The following MDH2 variants were observed in gnomAD, a reference collection of about 807,000 sequenced individuals.
MDH2 encodes the protein malate dehydrogenase, mitochondrial.
In MDH2, 25 loss-of-function variants were observed where a neutral mutation model predicts 33.6. That is an observed-to-expected ratio of 0.74 (90% confidence interval 0.54 to 1.04). The LOEUF (loss-of-function observed/expected upper bound fraction) is 1.04, where lower values mean the gene tolerates loss of function less well. Ranked by LOEUF, MDH2 falls within the 50% of genes least tolerant of loss-of-function variation. The probability of loss-of-function intolerance (pLI) is 0.00; values close to 1 mark genes in which losing one functional copy is unlikely to be tolerated. For synonymous variants in MDH2, 193 were observed against 188.7 expected (o/e 1.02, Z -0.19); for missense variants, 432 against 445.0 (o/e 0.97, Z 0.26).
At chr7:76,066,149 C>A in intron 8 of MDH2, 130 bp from the exon 9 acceptor site, 1 of 1,176,788 alleles carries the variant, frequency 8.5e-7, no homozygotes, top group Non-Finnish European at 1.2e-6. Flanking sequence ...GCAAGGCGTC[C>A]CCAGCAAGGC....
chr7:76,061,035 C>T (rs868977633), intron 5 of MDH2, among the ~76,000 whole-genome samples: 4 of 152,106 alleles, frequency 2.6e-5, no homozygotes, highest in Non-Finnish European at 1.5e-5. Flanking sequence ...AGGTGCCTGA[C>T]CCTAGGGCCG....
chr7:76,048,804 C>G (rs1262688944), intron 1 of MDH2: 1 of 1,220,010 alleles, frequency 8.2e-7, no homozygotes, highest in Non-Finnish European at 1.0e-6. Context: ...GCGGACTGAG[C>G]CTGCCGCCAG....
chr7:76,052,436 A>AG (rs1275901360), intron 1 of MDH2, among the ~76,000 whole-genome samples: 1 of 36,616 alleles, frequency 2.7e-5, no homozygotes, highest in Non-Finnish European at 1.6e-4. Flanking sequence ...ATCTCAAAAA[A>AG]AAAAAAAAAA....
intron 1 of MDH2, among the ~76,000 whole-genome samples, chr7:76,051,091 G>A (rs1797613120): frequency 6.6e-6 from 1 of 152,044 alleles, no homozygotes; most frequent in African/African-American, 2.4e-5. Context: ...CGCCATGTTG[G>A]CCAGGCTGGT....
At chr7:76,055,830 A>G (rs1313740054) in intron 2 of MDH2, among the ~76,000 whole-genome samples, 1 of 141,954 alleles carries the variant, frequency 7.0e-6, no homozygotes, top group Non-Finnish European at 1.5e-5. Flanking sequence ...ATGTCACCAA[A>G]TTTTTTTTTT....
intron 2 of MDH2, 25 bp from the exon 3 acceptor site, chr7:76,057,385 T>A (rs782311630): frequency 1.1e-5 from 18 of 1,613,166 alleles, no homozygotes; most frequent in Non-Finnish European, 1.4e-5. Context: ...ACGGTGACAT[T>A]TCTCTTGTGG....
rs1479925686 is a variant in MDH2, at chr7:76,049,158, TG to T, written c.66+933del. On this transcript the variant is annotated intron_variant, in intron 1 of 8. Transcript: ENST00000315758. ...GAGTTTCCTGTACATCCAGTTCATTTGAAAAATAAATACAAATGCTCCTGGA... is the reference window on the plus strand; with the variant it reads ...GAGTTTCCTGTACATCCAGTTCATTTAAAAATAAATACAAATGCTCCTGGA... 16 of 952,692 alleles carry T rather than the reference TG, an allele frequency of 1.7e-5. No individual in the cohort carries two copies. In the African/African-American group the frequency reaches 2.5e-4, roughly 15 times the overall value. The allele number at this position is 952,692 out of a possible 1,614,324, so 59.0% of individuals were successfully genotyped here.
chr7:76,057,332 C>T, intron 2 of MDH2, 78 bp from the exon 3 acceptor site: 1 of 1,525,098 alleles, frequency 6.6e-7, no homozygotes, highest in Non-Finnish European at 9.0e-7. Context: ...ATTAGTTGGC[C>T]TTAAGGCCAG....
chr7:76,065,616 G>T (rs781882875), intron 8 of MDH2, among the ~76,000 whole-genome samples: 1 of 152,194 alleles, frequency 6.6e-6, no homozygotes, highest in Non-Finnish European at 1.5e-5. Flanking sequence ...TGTCGGTGCA[G>T]GTGTATGGAA....
intron 3 of MDH2, 71 bp from the exon 4 acceptor site, chr7:76,057,898 G>A (rs1286254130): frequency 5.5e-5 from 79 of 1,444,618 alleles, no homozygotes; most frequent in Non-Finnish European, 7.1e-5. Flanking sequence ...AACAGCTGGC[G>A]CTCAGCACAT....
At position 76,064,789 on chromosome 7, in the gene MDH2, TG is replaced by T; in HGVS notation, c.734-12del. The T allele has an allele frequency of 6.2e-7, 1 of 1,611,832 alleles. No homozygotes were observed. The highest frequency in any genetic ancestry group is 8.5e-7 in the Non-Finnish European group (1 of 1,179,204). On this transcript the variant is annotated splice_polypyrimidine_tract_variant and intron_variant, in intron 7 of 8. Coordinates refer to ENST00000315758, the MANE Select transcript of MDH2 (RefSeq NM_005918.4). ...GTGGCACCAGCCAGGCTGACCTGTC[TG>T]TGCCCCCCTAGGCTCTGCCACCCTC...
intron 4 of MDH2, among the ~76,000 whole-genome samples, chr7:76,059,419 C>T (rs1431898063): frequency 6.6e-6 from 1 of 152,232 alleles, no homozygotes; most frequent in Non-Finnish European, 1.5e-5. Context: ...TCCTCATTCA[C>T]ACACAGTCGC....
chr7:76,059,453 G>A (rs2116681099), intron 4 of MDH2, among the ~76,000 whole-genome samples: 1 of 152,236 alleles, frequency 6.6e-6, no homozygotes, highest in East Asian at 1.9e-4. Context: ...GCCACCCCAG[G>A]CCCCACTCAC....
At chr7:76,049,716 G>A (rs143015934) in intron 1 of MDH2, among the ~76,000 whole-genome samples, 155 of 152,160 alleles carry the variant, frequency 1.0e-3, no homozygotes, top group African/African-American at 3.4e-3. Context: ...CTGCTCTCAC[G>A]GAAATTACTA....
chr7:76,048,416 G>GA, intron 1 of MDH2, 190 bp downstream of exon 1: 3 of 1,146,424 alleles, frequency 2.6e-6, no homozygotes, highest in African/African-American at 1.6e-5. Context: ...GAAAGCCGGG[G>GA]AAAAGGGGGC....
chr7:76,058,751 C>T (rs966089224), intron 4 of MDH2, among the ~76,000 whole-genome samples: 2 of 152,264 alleles, frequency 1.3e-5, no homozygotes, highest in South Asian at 4.1e-4. Flanking sequence ...ACTACTCTTG[C>T]GCTTTGGGGC....
intron 1 of MDH2, 128 bp downstream of exon 1, chr7:76,048,354 GA>G: frequency 7.5e-7 from 1 of 1,336,926 alleles, no homozygotes; most frequent in African/African-American, 1.5e-5. Flanking sequence ...GCACTGGCTG[GA>G]GACTGTGGCG....
intron 7 of MDH2, 104 bp from the exon 8 acceptor site, chr7:76,064,698 A>T: frequency 7.7e-7 from 1 of 1,306,384 alleles, no homozygotes; most frequent in Non-Finnish European, 1.0e-6. Context: ...GAAATTCTCC[A>T]CTGTCAGGCT....
intron 1 of MDH2, among the ~76,000 whole-genome samples, chr7:76,050,754 A>C (rs1274358795): frequency 5.9e-5 from 9 of 152,162 alleles, no homozygotes; most frequent in Non-Finnish European, 1.2e-4. Context: ...ATGGTACCAG[A>C]AGGATTTGCT....
Sources: gnomAD v4.1 joint callset for allele counts (sites outside exome capture counted in the v4.1 genomes callset) on GRCh38, gnomAD v4.1.1 for gene constraint, MANE v1.5 for transcripts, NCBI Gene and HGNC (gene_info 2026-07-23, HGNC 2026-07-21) for gene names.